The following SLC26A2 variants were observed in gnomAD, a reference collection of about 807,000 sequenced individuals.
SLC26A2 encodes solute carrier family 26 member 2, also known as sulfate transporter.
In SLC26A2, 36 loss-of-function variants were observed where a neutral mutation model predicts 41.1. The observed-to-expected ratio is 0.88, with a 90% CI of 0.67 to 1.16. The LOEUF (loss-of-function observed/expected upper bound fraction) is 1.16. Among genes scored for constraint, SLC26A2 ranks in the 50% most tolerant of loss-of-function variants. The pLI is 0.00. For synonymous variants in SLC26A2, 291 were observed against 311.6 expected (o/e 0.93, Z 0.70); for missense variants, 796 against 869.6 (o/e 0.92, Z 1.07).
chr5:149,969,299 A>G (rs1754860799), intron 1 of SLC26A2, among the ~76,000 whole-genome samples: 1 of 152,154 alleles, frequency 6.6e-6, no homozygotes, highest in South Asian at 2.1e-4. Context: ...TTGAACATAT[A>G]AATGGAATTC....
At chr5:149,976,583 C>G (rs1238940984) in intron 1 of SLC26A2, among the ~76,000 whole-genome samples, 1 of 152,174 alleles carries the variant, frequency 6.6e-6, no homozygotes, top group Non-Finnish European at 1.5e-5. Flanking sequence ...TGTTCTATTC[C>G]TTTGAGAGCC....
At position 149,977,707 on chromosome 5, in the gene SLC26A2, G is replaced by T. The variant is rs386833507; in HGVS notation, c.55G>T (p.Gly19Ter). 9 of 1,614,132 alleles carry T rather than the reference G, an allele frequency of 5.6e-6. No individual in the cohort carries two copies. The highest frequency in any genetic ancestry group is 6.8e-6 in the Non-Finnish European group (8 of 1,180,012). The part of the protein sequence containing the change: ...HNVSPRDSAE[G>*]NDSYPSGIHL... Reference sequence around the variant, plus strand: ...CGTTTCACCCAGAGACTCAGCTGAAGGAAATGACAGTTATCCATCTGGGAT... The same window carrying T: ...CGTTTCACCCAGAGACTCAGCTGAATGAAATGACAGTTATCCATCTGGGAT... The change falls in exon 2 of 3, where the codon GGA becomes TGA. Residue 19 changes from glycine (G) to a stop codon, truncating the protein, a stop_gained. Coordinates refer to ENST00000286298, the MANE Select transcript of SLC26A2 (RefSeq NM_000112.4). LOFTEE classifies it high-confidence loss of function.
chr5:149,962,342 CT>C (rs1029157137), intron 1 of SLC26A2: 257 of 144,588 alleles, frequency 1.8e-3, no homozygotes, highest in Admixed American at 1.8e-3. Flanking sequence ...TCTGATTTGA[CT>C]TTTTTTTTTT....
At chr5:149,978,805 A>G (rs1755043018) in intron 2 of SLC26A2, among the ~76,000 whole-genome samples, 1 of 151,938 alleles carries the variant, frequency 6.6e-6, no homozygotes. Context: ...CTCCTACCTC[A>G]ACCTCCTGAG....
rs560524828 is a variant in SLC26A2 at position 149,982,081 on chromosome 5, A to G, written c.*268A>G. On this transcript the variant is annotated 3_prime_UTR_variant, in exon 3 of 3. Transcript: ENST00000286298. ...ATGCAATAAGTATGTATTGAACTGT[A>G]CTGTAAAGTAGCTCCAAAACTTAAT... 5 of 397,390 alleles carry G rather than the reference A, an allele frequency of 1.3e-5. No individual in the cohort carries two copies. In the East Asian group the frequency reaches 1.8e-4, roughly 15 times the overall value. 24.6% of individuals were successfully genotyped at this position (397,390 alleles called of 1,614,324 possible).
Position 149,980,743 on chromosome 5 carries a change from G to T in SLC26A2, c.1150G>T (p.Val384Leu). Residue 384 changes from valine to leucine, a missense_variant, in exon 3 of 3, where the codon GTA becomes TTA. Physicochemically the swap from Val to Leu is conservative, Grantham distance 32. Coordinates refer to ENST00000286298, the MANE Select transcript of SLC26A2 (RefSeq NM_000112.4). ...PEWNLIPSVA[V>L]DAIAISIIGF... is the part of the protein sequence containing the mutation. The stretch of plus-strand genomic sequence containing the variant: ...ATGGAACCTAATTCCTAGTGTGGCT[G>T]TAGATGCAATAGCTATTTCCATCAT... 6.2e-7 allele frequency: 1 copy of T among 1,613,772 alleles called. No individual in the cohort carries two copies. Among genetic ancestry groups the T allele is most frequent in the Non-Finnish European group, 8.5e-7 (1 of 1,179,810 alleles).
intron 1 of SLC26A2, among the ~76,000 whole-genome samples, chr5:149,975,171 T>C (rs1754971851): frequency 6.6e-6 from 1 of 152,218 alleles, no homozygotes; most frequent in Admixed American, 6.5e-5. Flanking sequence ...ATTTAAACTT[T>C]TCTGCGTTTT....
chr5:149,979,667 C>T (rs1755058316), intron 2 of SLC26A2, among the ~76,000 whole-genome samples: 1 of 152,006 alleles, frequency 6.6e-6, no homozygotes, highest in Non-Finnish European at 1.5e-5. Context: ...ATATGGGAGA[C>T]AGTGTGGCAT....
Position 149,980,494 on chromosome 5 carries a change from A to G in SLC26A2, c.901A>G (p.Asn301Asp), listed in dbSNP as rs765607562. 3 of 1,614,054 alleles carry G rather than the reference A, an allele frequency of 1.9e-6. No homozygotes were observed. Among genetic ancestry groups the G allele is most frequent in the Non-Finnish European group, 2.5e-6 (3 of 1,180,002 alleles). ...TGTCTTCAGAAACATCCATAAGACC[A>G]ATCTCTGTGATCTTATCACCAGCCT... ...IHVFRNIHKT[N>D]LCDLITSLLC... The change falls in exon 3 of 3, where the codon AAT (asparagine) becomes GAT (aspartate). Residue 301 changes from asparagine to aspartate, a missense_variant. Physicochemically the swap from Asn to Asp is conservative, Grantham distance 23. Coordinates refer to ENST00000286298, the MANE Select transcript of SLC26A2 (RefSeq NM_000112.4).
intron 1 of SLC26A2, among the ~76,000 whole-genome samples, chr5:149,972,837 A>G (rs1376889355): frequency 2.6e-5 from 4 of 152,062 alleles, no homozygotes; most frequent in South Asian, 2.1e-4. Context: ...CGTTTGTTCC[A>G]TCTGTTTTTT....
At position 149,976,242 on chromosome 5, in the gene SLC26A2, A is replaced by G. The variant is rs185100133; in HGVS notation, c.-25-1386A>G. Reference sequence around the variant, plus strand: ...CATTCATTCATTCAAATGTTTTGTAAGCCTGCTATCTCAGCGTTACTACAT... The same window carrying G: ...CATTCATTCATTCAAATGTTTTGTAGGCCTGCTATCTCAGCGTTACTACAT... On this transcript the variant is annotated intron_variant, in intron 1 of 2. Transcript: ENST00000286298. Among the ~76,000 whole-genome samples the G allele has an allele frequency of 2.9e-3, 442 of 152,308 alleles. 2 individuals carry two copies. Among genetic ancestry groups the G allele is most frequent in the African/African-American group, 0.01 (416 of 41,564 alleles).
chr5:149,964,024 A>C (rs1447929385), intron 1 of SLC26A2, among the ~76,000 whole-genome samples: 3 of 152,176 alleles, frequency 2.0e-5, no homozygotes, highest in Non-Finnish European at 4.4e-5. Flanking sequence ...CATAGGAGGA[A>C]GCAAGACAGT....
In SLC26A2 at chr5:149,983,895, C is replaced by G. The variant is rs1217909711; in HGVS notation, c.*2082C>G. 6.6e-6 allele frequency: 1 copy of G among 152,194 alleles called. No homozygotes were observed. Among genetic ancestry groups the G allele is most frequent in the Non-Finnish European group, 1.5e-5 (1 of 68,058 alleles). 9.4% of individuals were successfully genotyped at this position (152,194 alleles called of 1,614,324 possible). On this transcript the variant is annotated 3_prime_UTR_variant, in exon 3 of 3. Transcript: ENST00000286298. ...CTTGGCCAAGTTATTTATTTTTAAT[C>G]TCTCTTGCCCTTCTCCCAAGGCAGG...
chr5:149,977,486 T>C (rs1755012573), intron 1 of SLC26A2, 142 bp from the exon 2 acceptor site: 2 of 646,754 alleles, frequency 3.1e-6, no homozygotes, highest in South Asian at 1.8e-5. Flanking sequence ...CAAATGAGGC[T>C]CAATTAAGGA....
rs1755183536 is a variant in SLC26A2, at chr5:149,985,503, C to T, written c.*3690C>T. ...TAATGGCTAGTACGTTTAAACAAAACAGCAGTTCTCTGCTGCAATATTCCC... is the reference window on the plus strand; with the variant it reads ...TAATGGCTAGTACGTTTAAACAAAATAGCAGTTCTCTGCTGCAATATTCCC... On this transcript the variant is annotated 3_prime_UTR_variant, in exon 3 of 3. Transcript: ENST00000286298. 1 of 152,124 alleles carries T rather than the reference C, an allele frequency of 6.6e-6. No individual in the cohort carries two copies. The highest frequency in any genetic ancestry group is 2.4e-5 in the African/African-American group (1 of 41,422). 9.4% of individuals were successfully genotyped at this position (152,124 alleles called of 1,614,324 possible). A position where few individuals can be genotyped will look rare whatever the true frequency, so the allele number is the denominator to read the frequency against.
intron 1 of SLC26A2, among the ~76,000 whole-genome samples, chr5:149,964,005 A>G (rs1754760753): frequency 6.6e-6 from 1 of 152,082 alleles, no homozygotes; most frequent in African/African-American, 2.4e-5. Flanking sequence ...GGTGATTGGA[A>G]CACTAGTGCA....
In SLC26A2 at chr5:149,981,622, A is replaced by G. The variant is rs760849293; in HGVS notation, c.2029A>G (p.Ile677Val). Residue 677 changes from isoleucine (I) to valine (V), a missense_variant, in exon 3 of 3, where the codon ATT becomes GTT. By Grantham distance (29) the Ile-to-Val change is conservative. Coordinates refer to ENST00000286298, the MANE Select transcript of SLC26A2 (RefSeq NM_000112.4). ...AGAAGTTCGCAGAGATTATGAAGCC[A>G]TTGGAATCCAGGTTCTGCTGGCTCA... ...LKEVRRDYEA[I>V]GIQVLLAQCN... 1 of 1,614,152 alleles carries G rather than the reference A, an allele frequency of 6.2e-7. No individual in the cohort carries two copies. The highest frequency in any genetic ancestry group is 2.2e-5 in the East Asian group (1 of 44,884).
chr5:149,980,032 C>T (rs1047607891), intron 2 of SLC26A2, among the ~76,000 whole-genome samples: 13 of 151,612 alleles, frequency 8.6e-5, no homozygotes, highest in East Asian at 3.9e-4. Flanking sequence ...GTTTAAGAAA[C>T]GTATGAAAAG....
At chr5:149,965,479 CAAAAAAAAAAAAA>C (rs55779255) in intron 1 of SLC26A2, among the ~76,000 whole-genome samples, 1 of 63,930 alleles carries the variant, frequency 1.6e-5, no homozygotes, top group Admixed American at 1.8e-4. Context: ...GACTCTGTCT[CAAAAAAAAAAAAA>C]AAAAAAAAAA....
Sources: allele counts gnomAD v4.1 joint callset (sites outside exome capture counted in the v4.1 genomes callset), GRCh38; gene constraint gnomAD v4.1.1; transcripts MANE v1.5; gene names NCBI Gene and HGNC (gene_info 2026-07-23, HGNC 2026-07-21).